MACO1: variants seen among roughly 807,000 people sequenced by gnomAD.
The protein encoded by MACO1 is macoilin 1, also known as macoilin.
MACO1 carries 14 observed loss-of-function variants against 78.7 expected under a neutral mutation model. The observed-to-expected ratio is 0.18, with a 90% confidence interval of 0.12 to 0.28. MACO1 has a LOEUF of 0.28. Among genes scored for constraint, MACO1 ranks in the 10% least tolerant of loss-of-function variants. MACO1 has a pLI of 1.00. For synonymous variants in MACO1, 288 were observed against 291.6 expected, an observed-to-expected ratio of 0.99 and a Z score of 0.12; for missense variants, 501 against 799.0, an observed-to-expected ratio of 0.63 and a Z score of 4.50.
In MACO1 at chr1:25,464,660, A is replaced by AC. The variant is rs369052095; in HGVS notation, c.1154+5777dup. On this transcript the variant is annotated intron_variant, in intron 6 of 10. Coordinates refer to ENST00000374343, the MANE Select transcript of MACO1 (RefSeq NM_018202.6). ...GCACCCGTCTATAATTTCTTCCCCCACCCCCCCCCTCCGCGAAATGGAATC... is the reference window on the plus strand; with the variant it reads ...GCACCCGTCTATAATTTCTTCCCCCACCCCCCCCCCTCCGCGAAATGGAATC... Among the ~76,000 whole-genome samples the AC allele has an allele frequency of 3.9e-3, 247 of 63,160 alleles. 1 individual carries two copies. The highest frequency in any genetic ancestry group is 0.012 in the Middle Eastern group (1 of 84). 41.4% of individuals were successfully genotyped at this position (63,160 alleles called of 152,430 possible).
rs765627766 is a variant in MACO1, at chr1:25,458,829, A to T, written c.1091A>T (p.His364Leu). Residue 364 changes from histidine (H) to leucine (L), a missense_variant, in exon 6 of 11, where the codon CAC becomes CTC. Around this residue, in one of 5 missense-constraint regions of MACO1, gnomAD observed 163 missense variants for 271.9 expected, o/e 0.60. Transcript: ENST00000374343. ...QKCTSKSPST[H>L]KDLMENCIPN... is the part of the protein sequence containing the mutation. Reference sequence around the variant, plus strand: ...TGCACTAGCAAGAGCCCAAGTACACACAAGGACTTAATGGAAAACTGTATT... The same window carrying T: ...TGCACTAGCAAGAGCCCAAGTACACTCAAGGACTTAATGGAAAACTGTATT... 6.2e-7 allele frequency: 1 copy of T among 1,614,082 alleles called. No individual in the cohort carries two copies.
chr1:25,485,791 T>C lies in MACO1; in HGVS notation c.1492T>C (p.Ser498Pro). 7 of 1,611,852 alleles carry C rather than the reference T, an allele frequency of 4.3e-6. No individual in the cohort carries two copies. The highest frequency in any genetic ancestry group is 5.9e-6 in the Non-Finnish European group (7 of 1,179,156). The change falls in exon 8 of 11, where the codon TCT (serine) becomes CCT (proline). Residue 498 changes from serine (S) to proline (P), a missense_variant. Physicochemically the swap from Ser to Pro is moderately conservative, Grantham distance 74 (BLOSUM62 -1). Coordinates refer to ENST00000374343, the MANE Select transcript of MACO1 (RefSeq NM_018202.6). This position sits in a 1 kb window ranked among gnomAD's most constrained non-coding sequence, Gnocchi z 4.3. ...AARAVAFAAA[S>P]RGECTETLRN... ...CCGGGCTGTTGCGTTTGCTGCTGCATCTAGGTATGTCCATGTCACCTGAGT... is the reference window on the plus strand; with the variant it reads ...CCGGGCTGTTGCGTTTGCTGCTGCACCTAGGTATGTCCATGTCACCTGAGT...
intron 1 of MACO1, 33 bp from the exon 2 acceptor site, chr1:25,446,729 C>T: frequency 6.5e-7 from 1 of 1,549,584 alleles, no homozygotes; most frequent in Non-Finnish European, 8.7e-7. Flanking sequence ...CACAAATGAC[C>T]TTAAATTAAT....
At chr1:25,436,668 C>T (rs1203400836) in intron 1 of MACO1, among the ~76,000 whole-genome samples, 1 of 152,184 alleles carries the variant, frequency 6.6e-6, no homozygotes, top group Non-Finnish European at 1.5e-5. Flanking sequence ...AAGCCTCTCA[C>T]CTTGCATCCT....
Position 25,498,355 on chromosome 1 carries a change from C to G in MACO1, c.1884C>G (p.Ala628=). 1 of 1,614,084 alleles carries G rather than the reference C, an allele frequency of 6.2e-7. No homozygotes were observed. Among genetic ancestry groups the G allele is most frequent in the South Asian group, 1.1e-5 (1 of 91,076 alleles). Residue 628 remains alanine (A), a synonymous_variant, in exon 11 of 11, where the codon GCC becomes GCG. Coordinates refer to ENST00000374343, the MANE Select transcript of MACO1 (RefSeq NM_018202.6). The part of the protein sequence containing the change: ...MAVMPSITYS[A]ATSPLSPVSP... Reference sequence around the variant, plus strand: ...TCATGCCCAGCATAACATACAGTGCCGCCACCAGCCCCCTGAGCCCTGTTT... The same window carrying G: ...TCATGCCCAGCATAACATACAGTGCGGCCACCAGCCCCCTGAGCCCTGTTT...
intron 1 of MACO1, among the ~76,000 whole-genome samples, chr1:25,440,588 G>A (rs1405535528): frequency 6.6e-6 from 1 of 151,760 alleles, no homozygotes; most frequent in African/African-American, 2.4e-5. Flanking sequence ...GGTCAACATG[G>A]TGAAACCCCA....
At chr1:25,435,154 G>A (rs2124566189) in intron 1 of MACO1, among the ~76,000 whole-genome samples, 1 of 152,246 alleles carries the variant, frequency 6.6e-6, no homozygotes, top group African/African-American at 2.4e-5. Flanking sequence ...TTAAGCTTCT[G>A]GGAATGATTT....
intron 1 of MACO1, among the ~76,000 whole-genome samples, chr1:25,440,378 G>C (rs1418527168): frequency 1.3e-5 from 2 of 149,180 alleles, no homozygotes; most frequent in Non-Finnish European, 3.0e-5. Context: ...CTTCAGCCTG[G>C]GCAACAAAGG....
chr1:25,435,589 A>G (rs1456706936), intron 1 of MACO1, among the ~76,000 whole-genome samples: 3 of 152,188 alleles, frequency 2.0e-5, no homozygotes, highest in Non-Finnish European at 4.4e-5. Context: ...TATTAAAGTC[A>G]CTGCAGGCTG....
chr1:25,477,534 A>C (rs1298410257), intron 6 of MACO1, among the ~76,000 whole-genome samples: 2 of 152,194 alleles, frequency 1.3e-5, no homozygotes, highest in Non-Finnish European at 2.9e-5. Context: ...GAGGCTCCTT[A>C]TCATCCCCAG....
intron 1 of MACO1, among the ~76,000 whole-genome samples, chr1:25,439,473 C>T (rs746555334): frequency 9.9e-5 from 15 of 151,798 alleles, no homozygotes; most frequent in East Asian, 1.9e-4. Flanking sequence ...CATGTACGCG[C>T]GCGTGTGTGT....
At chr1:25,463,462 G>A (rs1393785893) in intron 6 of MACO1, among the ~76,000 whole-genome samples, 1 of 152,162 alleles carries the variant, frequency 6.6e-6, no homozygotes, top group Non-Finnish European at 1.5e-5. Context: ...AAATGACCCT[G>A]TTTTCTACCA....
intron 1 of MACO1, among the ~76,000 whole-genome samples, chr1:25,442,377 A>G (rs1475423388): frequency 1.3e-5 from 2 of 152,192 alleles, no homozygotes; most frequent in Non-Finnish European, 2.9e-5. Context: ...GAAAGCTGGG[A>G]TTGAGATGGA....
At chr1:25,474,058 T>C (rs1459976856) in intron 6 of MACO1, among the ~76,000 whole-genome samples, 2 of 152,204 alleles carry the variant, frequency 1.3e-5, no homozygotes, top group Non-Finnish European at 2.9e-5. Flanking sequence ...GTGAGCACTC[T>C]GGAGTCTGGC....
chr1:25,443,903 A>C (rs2042992937), intron 1 of MACO1, among the ~76,000 whole-genome samples: 1 of 151,888 alleles, frequency 6.6e-6, no homozygotes, highest in Non-Finnish European at 1.5e-5. Context: ...CATGGGGAAA[A>C]GGATTAATCA....
At chr1:25,476,775 C>A (rs2043324689) in intron 6 of MACO1, among the ~76,000 whole-genome samples, 1 of 152,204 alleles carries the variant, frequency 6.6e-6, no homozygotes, top group South Asian at 2.1e-4. Context: ...TTCATTAATT[C>A]TTTTCATGTG....
intron 1 of MACO1, among the ~76,000 whole-genome samples, chr1:25,440,454 A>G (rs1463405380): frequency 1.3e-5 from 2 of 151,820 alleles, no homozygotes; most frequent in Non-Finnish European, 2.9e-5. Flanking sequence ...AGAAAAATTT[A>G]AAACATTAGT....
intron 5 of MACO1, 87 bp from the exon 6 acceptor site, chr1:25,458,304 A>G: frequency 8.1e-6 from 12 of 1,490,300 alleles, no homozygotes; most frequent in Non-Finnish European, 1.1e-5. Context: ...AGTGTAGATA[A>G]TAGTTTGTTG....
At chr1:25,494,945 T>G (rs1263839603) in intron 10 of MACO1, among the ~76,000 whole-genome samples, 1 of 152,100 alleles carries the variant, frequency 6.6e-6, no homozygotes, top group Non-Finnish European at 1.5e-5. Context: ...GAGAAGTTAG[T>G]GAAGCGCAGG....
Sources: gnomAD v4.1 joint callset for allele counts (sites outside exome capture counted in the v4.1 genomes callset) on GRCh38, gnomAD v4.1.1 for gene constraint, gnomAD v4.1.1 regional missense constraint, Gnocchi (gnomAD v3.1) non-coding constraint, MANE v1.5 for transcripts, NCBI Gene and HGNC (gene_info 2026-07-23, HGNC 2026-07-21) for gene names.